The following BRD10 variants were observed in gnomAD, a reference collection of about 807,000 sequenced individuals.
BRD10 encodes bromodomain containing 10.
At chr9:5,892,454 C>G in the BRD10 span, 107 of 1,608,190 alleles carry the variant, frequency 6.7e-5, 1 homozygote, top group South Asian at 1.7e-4. Context: ...TGTTAGGTGT[C>G]CTGTGCCCTG....
At chr9:5,994,704 CTCTCT>C in the BRD10 span, among the ~76,000 whole-genome samples, 1 of 152,138 alleles carries the variant, frequency 6.6e-6, no homozygotes, top group African/African-American at 2.4e-5. Context: ...CATGTAGCCT[CTCTCT>C]TAAATCTCAG....
At chr9:5,923,324 A>C in the BRD10 span, 1 of 1,568,896 alleles carries the variant, frequency 6.4e-7, no homozygotes. Flanking sequence ...AAATTATAAA[A>C]ACGGGCATTT....
chr9:5,970,698 T>C, the BRD10 span, among the ~76,000 whole-genome samples: 5 of 152,196 alleles, frequency 3.3e-5, no homozygotes, highest in South Asian at 2.1e-4. Context: ...AGGAGACTTG[T>C]ATATAGAATA....
chr9:5,901,693 T>A, the BRD10 span, among the ~76,000 whole-genome samples: 2 of 150,790 alleles, frequency 1.3e-5, no homozygotes, highest in Non-Finnish European at 3.0e-5. Context: ...TAAATTTTTT[T>A]GTATTTTCGG....
the BRD10 span, among the ~76,000 whole-genome samples, chr9:5,997,423 A>G: frequency 1.1e-3 from 114 of 108,382 alleles, 1 homozygote; most frequent in Non-Finnish European, 2.8e-4. Context: ...ATGGAAAAAT[A>G]AATACATGAA....
the BRD10 span, among the ~76,000 whole-genome samples, chr9:5,978,287 CT>C: frequency 1.3e-5 from 2 of 150,668 alleles, no homozygotes; most frequent in Non-Finnish European, 2.9e-5. Flanking sequence ...AGTATCCTAA[CT>C]TTACTATTAT....
the BRD10 span, among the ~76,000 whole-genome samples, chr9:6,004,512 T>C: frequency 2.0e-3 from 297 of 152,296 alleles, 1 homozygote; most frequent in Non-Finnish European, 3.7e-3. Context: ...CTAATATACC[T>C]CATTTATTGC....
the BRD10 span, among the ~76,000 whole-genome samples, chr9:5,981,175 A>G: frequency 1.3e-5 from 2 of 152,210 alleles, no homozygotes; most frequent in Non-Finnish European, 2.9e-5. Context: ...GGGTTCATCA[A>G]TGGAGAGACC....
At chr9:5,914,410 GTTTTTTTTTTTTT>G in the BRD10 span, among the ~76,000 whole-genome samples, 7 of 75,488 alleles carry the variant, frequency 9.3e-5, no homozygotes, top group South Asian at 5.6e-4. Flanking sequence ...AATCCAGATG[GTTTTTTTTTTTTT>G]TTTTTTTTTT....
the BRD10 span, among the ~76,000 whole-genome samples, chr9:5,925,536 A>G: frequency 1.3e-5 from 2 of 152,262 alleles, no homozygotes; most frequent in East Asian, 1.9e-4. Flanking sequence ...ATTACTGACT[A>G]TAACACATCT....
the BRD10 span, among the ~76,000 whole-genome samples, chr9:5,914,675 G>A: frequency 2.0e-5 from 3 of 151,732 alleles, no homozygotes; most frequent in Non-Finnish European, 4.4e-5. Flanking sequence ...TGCCCGCCTC[G>A]GCCTCCCAAA....
the BRD10 span, among the ~76,000 whole-genome samples, chr9:5,954,986 C>T: frequency 6.6e-6 from 1 of 151,672 alleles, no homozygotes. Context: ...TACCTGGGAG[C>T]CTGAGACAGG....
the BRD10 span, among the ~76,000 whole-genome samples, chr9:5,938,791 G>C: frequency 6.6e-6 from 1 of 152,094 alleles, no homozygotes; most frequent in Admixed American, 6.5e-5. Flanking sequence ...AACCATTAAC[G>C]AGTTTACCAG....
chr9:5,921,765 T>C, the BRD10 span: 3 of 1,614,004 alleles, frequency 1.9e-6, no homozygotes, highest in Non-Finnish European at 2.5e-6. Flanking sequence ...GAACTACTTG[T>C]TGTTGATGGT....
At chr9:5,924,677 C>T in the BRD10 span, 1 of 1,510,172 alleles carries the variant, frequency 6.6e-7, no homozygotes, top group Non-Finnish European at 8.9e-7. Flanking sequence ...AGTGATCTTT[C>T]TCCAGGATAT....
the BRD10 span, among the ~76,000 whole-genome samples, chr9:5,926,982 T>C: frequency 6.6e-6 from 1 of 152,170 alleles, no homozygotes; most frequent in Admixed American, 6.5e-5. Context: ...AGGTTTTCAA[T>C]TATTGTTAAG....
the BRD10 span, among the ~76,000 whole-genome samples, chr9:5,950,259 T>C: frequency 6.6e-6 from 1 of 152,208 alleles, no homozygotes; most frequent in South Asian, 2.1e-4. Context: ...TTTTATGCCA[T>C]TTTTAATTGA....
chr9:5,887,889 C>A, the BRD10 span, among the ~76,000 whole-genome samples: 1 of 152,198 alleles, frequency 6.6e-6, no homozygotes, highest in South Asian at 2.1e-4. Context: ...ATTTTCCCTC[C>A]TTTACAGATA....
the BRD10 span, chr9:5,929,141 T>C: frequency 2.3e-5 from 36 of 1,577,942 alleles, no homozygotes; most frequent in Non-Finnish European, 3.0e-5. Context: ...ACAGCTTGCC[T>C]CCGATGATAC....
Sources: allele counts gnomAD v4.1 joint callset (sites outside exome capture counted in the v4.1 genomes callset), GRCh38; gene constraint gnomAD v4.1.1; transcripts MANE v1.5; gene names NCBI Gene and HGNC (gene_info 2026-07-23, HGNC 2026-07-21).